C9orf153: variants seen among roughly 807,000 people sequenced by gnomAD.
The protein encoded by C9orf153 is uncharacterized protein C9orf153.
C9orf153 carries 10 observed loss-of-function variants against 9.0 expected under a neutral mutation model. The ratio of observed to expected loss-of-function variants is 1.11; its 90% CI spans 0.69 to 1.89. C9orf153 has a LOEUF of 1.89. Ranked by LOEUF, C9orf153 falls within the 40% of genes most tolerant of loss-of-function variation. C9orf153 has a pLI of 0.00. For synonymous variants in C9orf153, 35 were observed against 37.3 expected (o/e 0.94, Z 0.23); for missense variants, 108 against 111.0 (o/e 0.97, Z 0.12).
intron 1 of C9orf153, among the ~76,000 whole-genome samples, chr9:86,243,526 C>T (rs1476677112): frequency 6.7e-6 from 1 of 148,378 alleles, no homozygotes; most frequent in Non-Finnish European, 1.5e-5. Context: ...AGTGCAATGG[C>T]GCGATCTCGG....
intron 1 of C9orf153, among the ~76,000 whole-genome samples, chr9:86,245,132 G>T (rs1411444567): frequency 6.6e-6 from 1 of 152,070 alleles, no homozygotes; most frequent in Non-Finnish European, 1.5e-5. Context: ...TCACCGTGTT[G>T]GCCAGGCTGG....
chr9:86,250,938 A>G (rs1405122394), intron 1 of C9orf153, among the ~76,000 whole-genome samples: 2 of 152,188 alleles, frequency 1.3e-5, no homozygotes, highest in African/African-American at 4.8e-5. Flanking sequence ...GGTGGAGTGA[A>G]GTGGCTATTC....
At chr9:86,251,060 A>G (rs1824983514) in intron 1 of C9orf153, among the ~76,000 whole-genome samples, 1 of 152,166 alleles carries the variant, frequency 6.6e-6, no homozygotes, top group African/African-American at 2.4e-5. Flanking sequence ...CAGCTGGCCA[A>G]ATGTTTAACA....
At chr9:86,259,488 C>T (rs1825200477) in intron 1 of C9orf153, 62 bp downstream of exon 1, 1 of 152,446 alleles carries the variant, frequency 6.6e-6, no homozygotes. Flanking sequence ...CCTAGACTGG[C>T]TTAGTTTTCA....
chr9:86,247,605 C>T (rs191749534), intron 1 of C9orf153, among the ~76,000 whole-genome samples: 45 of 152,176 alleles, frequency 3.0e-4, no homozygotes, highest in African/African-American at 8.2e-4. Context: ...CACTGAGCCC[C>T]GGAGACTGAG....
chr9:86,227,319 A>G, intron 3 of C9orf153: 7 of 1,349,516 alleles, frequency 5.2e-6, no homozygotes, highest in Non-Finnish European at 6.6e-6. Context: ...GCTAATTTTT[A>G]TTTATTTATT....
intron 2 of C9orf153, chr9:86,228,885 G>T: frequency 4.4e-6 from 1 of 226,852 alleles, no homozygotes. Context: ...CGGCTACAGA[G>T]GCTACACAAG....
At chr9:86,240,253 G>C (rs945988609) in intron 1 of C9orf153, among the ~76,000 whole-genome samples, 3 of 151,998 alleles carry the variant, frequency 2.0e-5, no homozygotes, top group African/African-American at 7.2e-5. Context: ...TATAAGTGGC[G>C]AATCTGAGAT....
At chr9:86,257,124 A>T (rs6559921) in intron 1 of C9orf153, among the ~76,000 whole-genome samples, 40,191 of 152,068 alleles carry the variant, frequency 0.26, 5,816 homozygotes, top group East Asian at 0.47. Flanking sequence ...CGATTGGAGC[A>T]TATATTCTGG....
intron 1 of C9orf153, among the ~76,000 whole-genome samples, chr9:86,242,581 T>A (rs1172541340): frequency 6.6e-6 from 1 of 152,186 alleles, no homozygotes; most frequent in African/African-American, 2.4e-5. Flanking sequence ...ATATAAAAAA[T>A]GAGGCCAAAT....
chr9:86,238,082 C>T (rs916320154), intron 1 of C9orf153, among the ~76,000 whole-genome samples: 4 of 152,042 alleles, frequency 2.6e-5, no homozygotes, highest in East Asian at 3.9e-4. Flanking sequence ...GAGACTTTGA[C>T]GAAAAACCAA....
At chr9:86,230,828 G>A (rs1306930923) in intron 1 of C9orf153, among the ~76,000 whole-genome samples, 3 of 152,182 alleles carry the variant, frequency 2.0e-5, no homozygotes, top group Non-Finnish European at 2.9e-5. Flanking sequence ...TCTGCAAGAC[G>A]TTAAAAATGG....
intron 1 of C9orf153, among the ~76,000 whole-genome samples, chr9:86,244,780 C>T (rs1010742913): frequency 1.3e-5 from 2 of 152,188 alleles, no homozygotes; most frequent in African/African-American, 4.8e-5. Context: ...TAACCACCCT[C>T]CTGAATTTTG....
intron 1 of C9orf153, among the ~76,000 whole-genome samples, chr9:86,234,637 G>A (rs993240870): frequency 1.3e-5 from 2 of 152,148 alleles, no homozygotes; most frequent in African/African-American, 4.8e-5. Context: ...GTAAATTTTT[G>A]TGACCCTGGC....
At chr9:86,246,372 T>C (rs1824864229) in intron 1 of C9orf153, among the ~76,000 whole-genome samples, 1 of 152,150 alleles carries the variant, frequency 6.6e-6, no homozygotes, top group Non-Finnish European at 1.5e-5. Context: ...CCTTCTGCAG[T>C]GCAGCCATTG....
intron 1 of C9orf153, among the ~76,000 whole-genome samples, chr9:86,250,843 T>C (rs946343716): frequency 1.3e-5 from 2 of 152,202 alleles, no homozygotes; most frequent in Non-Finnish European, 2.9e-5. Context: ...CTCAGAATGG[T>C]AGTTGAAAAC....
Position 86,221,742 on chromosome 9 carries a change from A to G in C9orf153, c.243-9T>C, listed in dbSNP as rs1824208208. On this transcript the variant is annotated splice_polypyrimidine_tract_variant and intron_variant, in intron 3 of 3. Transcript: ENST00000339137. The stretch of plus-strand genomic sequence containing the variant: ...ATTCATGAATTGTTTTCCTGAAAAG[A>G]ATCATATTTTCAAAGAATCACATGG... 1.3e-6 allele frequency: 2 copies of G among 1,521,790 alleles called. No individual in the cohort carries two copies. Among genetic ancestry groups the G allele is most frequent in the Non-Finnish European group, 1.8e-6 (2 of 1,121,068 alleles). The allele number at this position is 1,521,790 out of a possible 1,614,324, so 94.3% of individuals were successfully genotyped here. A position where few individuals can be genotyped will look rare whatever the true frequency, so the allele number is the denominator to read the frequency against.
rs1824375805 is a variant in C9orf153, at chr9:86,227,936, T to C, written c.161A>G (p.Gln54Arg). Residue 54 changes from glutamine (Q) to arginine (R), a missense_variant, in exon 3 of 4, where the codon CAG becomes CGG. Gln to Arg is a conservative substitution (Grantham distance 43). Coordinates refer to ENST00000339137, the MANE Select transcript of C9orf153 (RefSeq NM_001276366.4). ...ATTCAGGTTTCTAGCAAGTACTTCCTGTGCTTCGTTAAGTGAAATACCATG... is the reference window on the plus strand; with the variant it reads ...ATTCAGGTTTCTAGCAAGTACTTCCCGTGCTTCGTTAAGTGAAATACCATG... Reference protein sequence around the residue: ...KMHGISLNEAQEVLARNLNVM... With the variant: ...KMHGISLNEAREVLARNLNVM... 6.2e-7 allele frequency: 1 copy of C among 1,613,838 alleles called. No individual in the cohort carries two copies. The highest frequency in any genetic ancestry group is 8.5e-7 in the Non-Finnish European group (1 of 1,179,896).
rs1302918710 is a variant in C9orf153 at position 86,227,945 on chromosome 9, T to A, written c.152A>T (p.Asn51Ile). Residue 51 changes from asparagine (N) to isoleucine (I), a missense_variant, in exon 3 of 4, where the codon AAC (asparagine) becomes ATC (isoleucine). Transcript: ENST00000339137. The part of the protein sequence containing the change: ...NLLKMHGISL[N>I]EAQEVLARNL... ...TCTAGCAAGTACTTCCTGTGCTTCG[T>A]TAAGTGAAATACCATGCATTTTTAG... The A allele has an allele frequency of 4.3e-6, 7 of 1,613,912 alleles. No individual in the cohort carries two copies. The highest frequency in any genetic ancestry group is 1.3e-5 in the African/African-American group (1 of 75,030).
Sources: allele counts gnomAD v4.1 joint callset (sites outside exome capture counted in the v4.1 genomes callset), GRCh38; gene constraint gnomAD v4.1.1; transcripts MANE v1.5; gene names NCBI Gene and HGNC (gene_info 2026-07-23, HGNC 2026-07-21).